GPR180: variants seen among roughly 807,000 people sequenced by gnomAD.
The protein encoded by GPR180 is G protein-coupled receptor 180.
A neutral mutation model predicts 52.6 loss-of-function variants in GPR180; 53 were observed. The ratio of observed to expected loss-of-function variants is 1.01; its 90% confidence interval spans 0.81 to 1.27. GPR180 has a LOEUF of 1.27. Among genes scored for constraint, GPR180 ranks in the 50% most tolerant of loss-of-function variants. GPR180 has a pLI of 0.00. For missense variants in GPR180, 533 were observed against 527.0 expected (o/e 1.01, Z -0.11); for synonymous variants, 200 against 193.1 (o/e 1.04, Z -0.30).
At chr13:94,622,074 A>G (rs1236032227) in intron 6 of GPR180, among the ~76,000 whole-genome samples, 1 of 152,174 alleles carries the variant, frequency 6.6e-6, no homozygotes, top group Non-Finnish European at 1.5e-5. Context: ...TATTTAATAT[A>G]GTAGGTTTTG....
At chr13:94,607,536 A>G (rs1310392853) in intron 2 of GPR180, among the ~76,000 whole-genome samples, 1 of 152,178 alleles carries the variant, frequency 6.6e-6, no homozygotes, top group Non-Finnish European at 1.5e-5. Context: ...CCGTCGATTA[A>G]GTTAACACCT....
chr13:94,610,906 C>T (rs957477274), intron 2 of GPR180, among the ~76,000 whole-genome samples: 12 of 152,286 alleles, frequency 7.9e-5, no homozygotes, highest in Non-Finnish European at 1.6e-4. Flanking sequence ...GGATTGAGAA[C>T]CACTTACTAA....
chr13:94,611,745 C>T (rs1016491288), intron 2 of GPR180, among the ~76,000 whole-genome samples: 9 of 151,986 alleles, frequency 5.9e-5, no homozygotes, highest in African/African-American at 1.2e-4. Context: ...ATTGCCCGTC[C>T]GCAATGATGG....
Position 94,630,266 on chromosome 13 carries a change from G to A in GPR180, c.*3095G>A, listed in dbSNP as rs906705549. ...TGGGCAGCCTTCTGCACAGCTCCAG[G>A]GGCATCATATGTGTTGTGCTGTAGG... On this transcript the variant is annotated 3_prime_UTR_variant, in exon 9 of 9. Transcript: ENST00000376958. The A allele has an allele frequency of 6.6e-6, 1 of 152,120 alleles. No individual in the cohort carries two copies. Among genetic ancestry groups the A allele is most frequent in the African/African-American group, 2.4e-5 (1 of 41,418 alleles). 9.4% of individuals were successfully genotyped at this position (152,120 alleles called of 1,614,324 possible).
In GPR180 at chr13:94,631,224, T is replaced by C. The variant is rs1889992062; in HGVS notation, c.*4053T>C. ...GAGGCAGGGAGAGACCTGTATGGCT[T>C]CCAGTCCATCCTCACAAGTTCCACT... On this transcript the variant is annotated 3_prime_UTR_variant, in exon 9 of 9. Coordinates refer to ENST00000376958, the MANE Select transcript of GPR180 (RefSeq NM_180989.6). 6.6e-6 allele frequency: 1 copy of C among 152,154 alleles called. No individual in the cohort carries two copies. Among genetic ancestry groups the C allele is most frequent in the African/African-American group, 2.4e-5 (1 of 41,428 alleles). The allele number at this position is 152,154 out of a possible 1,614,324, so 9.4% of individuals were successfully genotyped here.
intron 8 of GPR180, among the ~76,000 whole-genome samples, chr13:94,626,632 T>C (rs1222909905): frequency 1.3e-5 from 2 of 152,324 alleles, no homozygotes; most frequent in Admixed American, 1.3e-4. Context: ...TTGAGAATTT[T>C]TGAAAGGGCT....
rs761258791 is a variant in GPR180, at chr13:94,631,456, C to T, written c.*4285C>T. The T allele has an allele frequency of 2.6e-5, 4 of 151,552 alleles. No individual in the cohort carries two copies. The highest frequency in any genetic ancestry group is 4.4e-5 in the Non-Finnish European group (3 of 67,932). The allele number at this position is 151,552 out of a possible 1,614,324, so 9.4% of individuals were successfully genotyped here. A position where few individuals can be genotyped will look rare whatever the true frequency, so the allele number is the denominator to read the frequency against. On this transcript the variant is annotated 3_prime_UTR_variant, in exon 9 of 9. Coordinates refer to ENST00000376958, the MANE Select transcript of GPR180 (RefSeq NM_180989.6). ...ACCCTGATTAACCATACCATCCTAC[C>T]TAATGCTATTCCCCCATCCTAGTTC...
rs1443163138 is a variant in GPR180, at chr13:94,629,582, C to G, written c.*2411C>G. ...CTATTTAGTTTTTCCACTTTACCTT[C>G]ATGATTTAAGGAACATGTATTAGCT... On this transcript the variant is annotated 3_prime_UTR_variant, in exon 9 of 9. Transcript: ENST00000376958. 1 of 152,156 alleles carries G rather than the reference C, an allele frequency of 6.6e-6. No individual in the cohort carries two copies. The highest frequency in any genetic ancestry group is 1.9e-4 in the East Asian group (1 of 5,198). 9.4% of individuals were successfully genotyped at this position (152,156 alleles called of 1,614,324 possible).
intron 3 of GPR180, among the ~76,000 whole-genome samples, chr13:94,617,564 T>C (rs1889794626): frequency 6.6e-6 from 1 of 152,224 alleles, no homozygotes; most frequent in Admixed American, 6.5e-5. Context: ...TTTATATTCA[T>C]AGAGCAGGAG....
At chr13:94,609,405 G>A (rs879526512) in intron 2 of GPR180, among the ~76,000 whole-genome samples, 29 of 152,094 alleles carry the variant, frequency 1.9e-4, no homozygotes, top group Non-Finnish European at 4.0e-4. Flanking sequence ...CAGCCTTGCC[G>A]AAAAGACAGC....
chr13:94,619,563 A>C, intron 5 of GPR180, 46 bp downstream of exon 5: 3 of 1,461,740 alleles, frequency 2.1e-6, no homozygotes, highest in African/African-American at 1.4e-5. Flanking sequence ...TACACTCGCT[A>C]TCTGCTTTTT....
chr13:94,611,559 G>A (rs1006540534), intron 2 of GPR180, among the ~76,000 whole-genome samples: 5 of 152,074 alleles, frequency 3.3e-5, no homozygotes, highest in African/African-American at 1.2e-4. Context: ...CAAAGTTTCA[G>A]CCGCCGAGAC....
chr13:94,602,762 A>C (rs1292264754), intron 1 of GPR180, among the ~76,000 whole-genome samples: 2 of 152,224 alleles, frequency 1.3e-5, no homozygotes, highest in African/African-American at 4.8e-5. Context: ...CTTCCTCAAA[A>C]ATCAGTAATT....
At chr13:94,611,916 T>A (rs1380467650) in intron 2 of GPR180, among the ~76,000 whole-genome samples, 1 of 152,078 alleles carries the variant, frequency 6.6e-6, no homozygotes, top group African/African-American at 2.4e-5. Flanking sequence ...ATTCAGAGTT[T>A]CAGTGAAGCC....
intron 8 of GPR180, 26 bp from the exon 9 acceptor site, chr13:94,626,987 A>C (rs776390798): frequency 1.3e-6 from 2 of 1,541,354 alleles, no homozygotes; most frequent in East Asian, 4.5e-5. Flanking sequence ...CATGTAGTAA[A>C]AGCATTCCTT....
intron 2 of GPR180, among the ~76,000 whole-genome samples, chr13:94,609,527 G>A (rs1889676334): frequency 1.3e-5 from 2 of 151,834 alleles, no homozygotes; most frequent in Admixed American, 6.6e-5. Context: ...TAAAAGTGTG[G>A]GTTTTTTTTA....
chr13:94,620,969 G>T, intron 5 of GPR180, 109 bp from the exon 6 acceptor site: 5 of 955,492 alleles, frequency 5.2e-6, no homozygotes, highest in East Asian at 2.8e-5. Context: ...TTTGAAAATG[G>T]CTTTTTGTGG....
At position 94,629,799 on chromosome 13, in the gene GPR180, C is replaced by G. The variant is rs1053816028; in HGVS notation, c.*2628C>G. ...GAGTTAATCTAGGCAGAAGAGCTTG[C>G]TTTAGGGTAATTATTTATTATCTCC... On this transcript the variant is annotated 3_prime_UTR_variant, in exon 9 of 9. Transcript: ENST00000376958. The G allele has an allele frequency of 8.5e-5, 13 of 152,160 alleles. No individual in the cohort carries two copies. The highest frequency in any genetic ancestry group is 2.4e-4 in the African/African-American group (10 of 41,434). The allele number at this position is 152,160 out of a possible 1,614,324, so 9.4% of individuals were successfully genotyped here. A position where few individuals can be genotyped will look rare whatever the true frequency, so the allele number is the denominator to read the frequency against.
At chr13:94,625,018 T>G (rs561071940) in intron 7 of GPR180, among the ~76,000 whole-genome samples, 5 of 150,688 alleles carry the variant, frequency 3.3e-5, no homozygotes, top group Non-Finnish European at 7.4e-5. Flanking sequence ...TTCTCCATGT[T>G]GGTCAGGCTG....
Sources: allele counts gnomAD v4.1 joint callset (sites outside exome capture counted in the v4.1 genomes callset), GRCh38; gene constraint gnomAD v4.1.1; transcripts MANE v1.5; gene names NCBI Gene and HGNC (gene_info 2026-07-23, HGNC 2026-07-21).